CCDC138: variants seen among roughly 807,000 people sequenced by gnomAD.
CCDC138 encodes coiled-coil domain containing 138.
CCDC138 carries 66 observed loss-of-function variants against 82.3 expected under a neutral mutation model. The observed-to-expected ratio is 0.80, with a 90% CI of 0.66 to 0.98. CCDC138 has a LOEUF of 0.98. Among genes scored for constraint, CCDC138 ranks in the 50% least tolerant of loss-of-function variants. The pLI, the probability that CCDC138 is intolerant of heterozygous loss-of-function variation, is 0.00. For missense variants in CCDC138, 816 were observed against 758.9 expected (o/e 1.08, Z -0.88); for synonymous variants, 297 against 265.4 (o/e 1.12, Z -1.16).
At chr2:108,863,157 C>T (rs1220185727) in intron 13 of CCDC138, among the ~76,000 whole-genome samples, 2 of 152,072 alleles carry the variant, frequency 1.3e-5, no homozygotes, top group Non-Finnish European at 2.9e-5. Context: ...ATAATTTCTT[C>T]CCTTTTTGCT....
At chr2:108,839,494 T>A (rs1409161311) in intron 11 of CCDC138, among the ~76,000 whole-genome samples, 193 bp downstream of exon 11, 1 of 152,184 alleles carries the variant, frequency 6.6e-6, no homozygotes, top group African/African-American at 2.4e-5. Context: ...ACATCTTTCC[T>A]TTGTTGAGTC....
At chr2:108,817,289 A>G (rs1308346337) in intron 10 of CCDC138, among the ~76,000 whole-genome samples, 1 of 151,396 alleles carries the variant, frequency 6.6e-6, no homozygotes, top group Non-Finnish European at 1.5e-5. Flanking sequence ...GAATTCAGAT[A>G]ATCTTTTTTC....
Position 108,836,230 on chromosome 2 carries a change from T to C in CCDC138, c.1207-2955T>C, listed in dbSNP as rs576426822. ...CTGCTTCAATGAATTTGACATTAGA[T>C]TTCTCATATGGATGGAATCATAATA... On this transcript the variant is annotated intron_variant, in intron 10 of 14. Transcript: ENST00000295124. Among the ~76,000 whole-genome samples the C allele has an allele frequency of 2.0e-5, 3 of 152,338 alleles. No homozygotes were observed. The East Asian group carries it at 5.8e-4, about 29-fold the overall frequency.
rs1488812046 is a variant in CCDC138 at position 108,828,180 on chromosome 2, AT to A, written c.1207-11002del. Among the ~76,000 whole-genome samples the A allele has an allele frequency of 6.6e-5, 10 of 152,330 alleles. No homozygotes were observed. The East Asian group carries it at 1.7e-3, about 26-fold the overall frequency. Reference sequence around the variant, plus strand: ...ACACCAAAATATATTGTAGATAAATATTTGGAGGTTATCGTGAAACCATAGA... The same window carrying A: ...ACACCAAAATATATTGTAGATAAATATTGGAGGTTATCGTGAAACCATAGA... On this transcript the variant is annotated intron_variant, in intron 10 of 14. Coordinates refer to ENST00000295124, the MANE Select transcript of CCDC138 (RefSeq NM_144978.3).
At chr2:108,861,910 T>C (rs991572091) in intron 13 of CCDC138, among the ~76,000 whole-genome samples, 1 of 152,214 alleles carries the variant, frequency 6.6e-6, no homozygotes, top group Non-Finnish European at 1.5e-5. Context: ...TTTCACTGTT[T>C]CAAAGAATTT....
intron 6 of CCDC138, 103 bp from the exon 7 acceptor site, chr2:108,804,785 TG>T: frequency 9.0e-7 from 1 of 1,113,142 alleles, no homozygotes; most frequent in Middle Eastern, 2.5e-4. Flanking sequence ...TTAAAGTTTT[TG>T]TGATTGAAGG....
chr2:108,792,976 A>G (rs1363271022), intron 4 of CCDC138, among the ~76,000 whole-genome samples: 1 of 151,606 alleles, frequency 6.6e-6, no homozygotes, highest in Non-Finnish European at 1.5e-5. Context: ...AGGCAGGAGA[A>G]TCACTTGAAC....
intron 10 of CCDC138, among the ~76,000 whole-genome samples, chr2:108,824,757 C>T (rs1202767586): frequency 6.6e-6 from 1 of 151,974 alleles, no homozygotes; most frequent in African/African-American, 2.4e-5. Context: ...CTACTGGCAG[C>T]ACAGTAGTTT....
chr2:108,859,840 A>G (rs949305278), intron 13 of CCDC138, among the ~76,000 whole-genome samples: 1 of 152,066 alleles, frequency 6.6e-6, no homozygotes, highest in Admixed American at 6.6e-5. Context: ...TCTGTGAAGA[A>G]TAATGTTGGT....
downstream of CCDC138, among the ~76,000 whole-genome samples, chr2:108,879,683 G>T (rs1696235332): frequency 6.6e-6 from 1 of 151,988 alleles, no homozygotes; most frequent in South Asian, 2.1e-4. Context: ...TCTTTTAATT[G>T]TTACCATTTT....
rs1033440451 is a variant in CCDC138, at chr2:108,818,353, T to G, written c.1206+2248T>G. Among the ~76,000 whole-genome samples, 65 of 152,164 alleles carry G rather than the reference T, an allele frequency of 4.3e-4. 1 individual carries two copies. Among genetic ancestry groups the G allele is most frequent in the Non-Finnish European group, 2.4e-4 (16 of 68,036 alleles). ...ATCATGTAATACTGTGTTTTTATATTAGTCTAATAACACAAGAGAATAATA... is the reference window on the plus strand; with the variant it reads ...ATCATGTAATACTGTGTTTTTATATGAGTCTAATAACACAAGAGAATAATA... On this transcript the variant is annotated intron_variant, in intron 10 of 14. Transcript: ENST00000295124.
intron 10 of CCDC138, among the ~76,000 whole-genome samples, chr2:108,838,476 T>C (rs1379372900): frequency 6.6e-6 from 1 of 152,184 alleles, no homozygotes; most frequent in East Asian, 1.9e-4. Context: ...AATATCTTTG[T>C]ACATGGCTTT....
rs776055875 is a variant in CCDC138 at position 108,794,558 on chromosome 2, C to A, written c.413C>A (p.Thr138Lys). 2 of 1,609,542 alleles carry A rather than the reference C, an allele frequency of 1.2e-6. No individual in the cohort carries two copies. Among genetic ancestry groups the A allele is most frequent in the East Asian group, 2.2e-5 (1 of 44,822 alleles). ...TTTGCAGTTGCCTTGCCAACTAATA[C>A]GACCTCATCGAGACCTCGGACTGAG... ...EIEKVALPTN[T>K]TSSRPRTECC... Residue 138 changes from threonine (T) to lysine (K), a missense_variant, in exon 5 of 15, where the codon ACG (threonine) becomes AAG (lysine). Coordinates refer to ENST00000295124, the MANE Select transcript of CCDC138 (RefSeq NM_144978.3).
intron 4 of CCDC138, among the ~76,000 whole-genome samples, chr2:108,793,616 A>G (rs1333047207): frequency 2.0e-5 from 3 of 149,086 alleles, no homozygotes; most frequent in Non-Finnish European, 3.0e-5. Context: ...TTTTTTTTTG[A>G]GATGGAGTCT....
At chr2:108,798,816 T>TACAC (rs61201793) in intron 6 of CCDC138, among the ~76,000 whole-genome samples, 20,350 of 131,276 alleles carry the variant, frequency 0.16, 1,741 homozygotes, top group South Asian at 0.19. Flanking sequence ...TCTCCACACC[T>TACAC]ACACACACAC....
At chr2:108,877,530 A>G (rs2105337446), downstream of CCDC138, among the ~76,000 whole-genome samples, 1 of 152,226 alleles carries the variant, frequency 6.6e-6, no homozygotes, top group East Asian at 1.9e-4. Flanking sequence ...AGAAACAAAA[A>G]ATAACTTCAT....
At chr2:108,822,696 A>C (rs1685918279) in intron 10 of CCDC138, among the ~76,000 whole-genome samples, 1 of 152,202 alleles carries the variant, frequency 6.6e-6, no homozygotes, top group Non-Finnish European at 1.5e-5. Flanking sequence ...CTCTACAGCA[A>C]CCATTGGGTC....
chr2:108,848,158 A>G (rs967004840), intron 12 of CCDC138, among the ~76,000 whole-genome samples: 14 of 152,250 alleles, frequency 9.2e-5, no homozygotes, highest in African/African-American at 2.9e-4. Flanking sequence ...TTAATCATTT[A>G]TCATTTAACT....
At chr2:108,822,175 A>G (rs1418235263) in intron 10 of CCDC138, among the ~76,000 whole-genome samples, 2 of 152,184 alleles carry the variant, frequency 1.3e-5, no homozygotes, top group African/African-American at 4.8e-5. Flanking sequence ...AATATAAGAC[A>G]AAATATACTT....
Sources: gnomAD v4.1 joint callset for allele counts (sites outside exome capture counted in the v4.1 genomes callset) on GRCh38, gnomAD v4.1.1 for gene constraint, MANE v1.5 for transcripts, NCBI Gene and HGNC (gene_info 2026-07-23, HGNC 2026-07-21) for gene names.